ZBTB8A: variants seen among roughly 807,000 people sequenced by gnomAD.
ZBTB8A encodes the protein zinc finger and BTB domain containing 8A.
ZBTB8A carries 19 observed loss-of-function variants against 37.8 expected under a neutral mutation model. The observed-to-expected ratio is 0.50, with a 90% CI of 0.35 to 0.74. The LOEUF is 0.74. Ranked by LOEUF, ZBTB8A falls within the 30% of genes least tolerant of loss-of-function variation. ZBTB8A has a pLI of 0.01. For missense variants in ZBTB8A, 394 were observed against 537.8 expected, an observed-to-expected ratio of 0.73 and a Z score of 2.65; for synonymous variants, 181 against 185.2, an observed-to-expected ratio of 0.98 and a Z score of 0.19.
chr1:32,585,999 G>A (rs1488747052), intron 2 of ZBTB8A, among the ~76,000 whole-genome samples: 2 of 149,178 alleles, frequency 1.3e-5, no homozygotes, highest in African/African-American at 5.0e-5. Flanking sequence ...GTGAAATTCC[G>A]TCTCAAAAAC....
chr1:32,562,609 C>T (rs1350844779), intron 2 of ZBTB8A, among the ~76,000 whole-genome samples: 1 of 135,612 alleles, frequency 7.4e-6, no homozygotes, highest in East Asian at 2.2e-4. Context: ...CGAGTCTTCG[C>T]TCTGTCACCC....
intron 2 of ZBTB8A, among the ~76,000 whole-genome samples, chr1:32,578,982 G>C (rs1644383248): frequency 6.6e-6 from 1 of 152,080 alleles, no homozygotes; most frequent in Non-Finnish European, 1.5e-5. Context: ...TTGTTAATTT[G>C]TTAATGGATC....
At chr1:32,561,407 T>C (rs1382832896) in intron 2 of ZBTB8A, among the ~76,000 whole-genome samples, 1 of 152,196 alleles carries the variant, frequency 6.6e-6, no homozygotes, top group Non-Finnish European at 1.5e-5. Flanking sequence ...AGCGCCATGC[T>C]GCCTCTGAAG....
At chr1:32,556,457 T>G (rs1448030159) in intron 2 of ZBTB8A, among the ~76,000 whole-genome samples, 1 of 151,990 alleles carries the variant, frequency 6.6e-6, no homozygotes, top group Non-Finnish European at 1.5e-5. Context: ...AGCCTCCAAC[T>G]CCTGGGCCTA....
At chr1:32,582,829 A>G (rs1465361489) in intron 2 of ZBTB8A, among the ~76,000 whole-genome samples, 1 of 152,074 alleles carries the variant, frequency 6.6e-6, no homozygotes, top group Non-Finnish European at 1.5e-5. Flanking sequence ...GACTCAGCAA[A>G]AGCTGGGTCT....
In ZBTB8A at chr1:32,600,909, C is replaced by T. The variant is rs1644570922; in HGVS notation, c.*490C>T. On this transcript the variant is annotated 3_prime_UTR_variant, in exon 5 of 5. Transcript: ENST00000373510. The stretch of plus-strand genomic sequence containing the variant: ...AACCCACCTTACTAAACAAATTAGT[C>T]TTTCTATTAATTTGAGATCTGAAAC... The T allele has an allele frequency of 6.5e-6, 1 of 154,484 alleles. No individual in the cohort carries two copies. The highest frequency in any genetic ancestry group is 6.4e-5 in the Admixed American group (1 of 15,606). The allele number at this position is 154,484 out of a possible 1,614,324, so 9.6% of individuals were successfully genotyped here.
chr1:32,604,819 A>G lies in ZBTB8A; in HGVS notation c.*4400A>G, dbSNP rs867962704. ...AAAATTTTTTTTAGTCCTAAAATTA[A>G]TAAGTATGGAAAATCACTAAAAGCA... On this transcript the variant is annotated 3_prime_UTR_variant, in exon 5 of 5. Transcript: ENST00000373510. 6.6e-6 allele frequency: 1 copy of G among 152,138 alleles called. No individual in the cohort carries two copies. Among genetic ancestry groups the G allele is most frequent in the Non-Finnish European group, 1.5e-5 (1 of 68,032 alleles). 9.4% of individuals were successfully genotyped at this position (152,138 alleles called of 1,614,324 possible).
chr1:32,564,304 C>T (rs1238564479), intron 2 of ZBTB8A, among the ~76,000 whole-genome samples: 1 of 152,110 alleles, frequency 6.6e-6, no homozygotes, highest in Non-Finnish European at 1.5e-5. Flanking sequence ...CAGTGTTTCT[C>T]TAGTGTAATT....
At chr1:32,587,307 G>A (rs72652198) in intron 2 of ZBTB8A, among the ~76,000 whole-genome samples, 17,300 of 152,028 alleles carry the variant, frequency 0.11, 1,107 homozygotes, top group African/African-American at 0.18. Flanking sequence ...GTCTTGGAGA[G>A]AAGTGGTGGG....
chr1:32,553,944 A>G (rs1316071391), intron 2 of ZBTB8A, among the ~76,000 whole-genome samples: 1 of 151,670 alleles, frequency 6.6e-6, no homozygotes, highest in African/African-American at 2.4e-5. Context: ...TCACGCCTGT[A>G]ATCCCAGCAC....
At chr1:32,577,586 CTTTTTTT>C (rs775868211) in intron 2 of ZBTB8A, among the ~76,000 whole-genome samples, 23 of 86,776 alleles carry the variant, frequency 2.7e-4, no homozygotes, top group East Asian at 3.4e-4. Flanking sequence ...ATATTGTATT[CTTTTTTT>C]TTTTTTTTTT....
chr1:32,544,944 A>G (rs1188017745), intron 1 of ZBTB8A, among the ~76,000 whole-genome samples: 2 of 152,138 alleles, frequency 1.3e-5, no homozygotes, highest in East Asian at 1.9e-4. Flanking sequence ...GCTGTTGCAA[A>G]TAATGCTATT....
intron 4 of ZBTB8A, 21 bp from the exon 5 acceptor site, chr1:32,600,066 A>G: frequency 6.3e-7 from 1 of 1,579,746 alleles, no homozygotes; most frequent in Non-Finnish European, 8.6e-7. Context: ...CACTTTTATC[A>G]CTATTTAAAT....
chr1:32,578,663 G>A (rs562787691), intron 2 of ZBTB8A, among the ~76,000 whole-genome samples: 21 of 151,310 alleles, frequency 1.4e-4, no homozygotes, highest in African/African-American at 4.6e-4. Context: ...TTCTATTGAC[G>A]AATTTTTCCT....
At chr1:32,583,460 C>T (rs1408880512) in intron 2 of ZBTB8A, among the ~76,000 whole-genome samples, 1 of 151,428 alleles carries the variant, frequency 6.6e-6, no homozygotes, top group Non-Finnish European at 1.5e-5. Flanking sequence ...AATATAGTCT[C>T]ACTCATAGGT....
chr1:32,560,748 G>C (rs1644238421), intron 2 of ZBTB8A, among the ~76,000 whole-genome samples: 1 of 149,540 alleles, frequency 6.7e-6, no homozygotes, highest in African/African-American at 2.5e-5. Flanking sequence ...TCAGCCTCCT[G>C]AGTAGCTAAG....
intron 2 of ZBTB8A, among the ~76,000 whole-genome samples, chr1:32,567,820 A>C (rs4255346): frequency 0.46 from 16,450 of 35,680 alleles, 4,504 homozygotes; most frequent in African/African-American, 0.64. Context: ...AAAAAAAAAA[A>C]AAACAAAAAC....
intron 2 of ZBTB8A, among the ~76,000 whole-genome samples, chr1:32,581,502 C>T (rs1393251635): frequency 2.0e-5 from 3 of 150,746 alleles, no homozygotes; most frequent in African/African-American, 7.3e-5. Context: ...CAGGCGCACG[C>T]CAACATGTCT....
At chr1:32,553,981 C>T (rs1644178794) in intron 2 of ZBTB8A, among the ~76,000 whole-genome samples, 1 of 151,590 alleles carries the variant, frequency 6.6e-6, no homozygotes, top group Non-Finnish European at 1.5e-5. Context: ...AGGAGGATCA[C>T]CTGAAGTCTG....
Sources: allele counts gnomAD v4.1 joint callset (sites outside exome capture counted in the v4.1 genomes callset), GRCh38; gene constraint gnomAD v4.1.1; transcripts MANE v1.5; gene names NCBI Gene and HGNC (gene_info 2026-07-23, HGNC 2026-07-21).